NAA35: variants seen among roughly 807,000 people sequenced by gnomAD.
NAA35 encodes MAK10 homolog, amino-acid N-acetyltransferase subunit.
NAA35 carries 18 observed loss-of-function variants against 101.7 expected under a neutral mutation model. That is an observed-to-expected ratio of 0.18 (90% CI 0.12 to 0.26). The LOEUF (loss-of-function observed/expected upper bound fraction) is 0.26. Among genes scored for constraint, NAA35 ranks in the 10% least tolerant of loss-of-function variants. The pLI, the probability that NAA35 is intolerant of heterozygous loss-of-function variation, is 1.00. For missense variants in NAA35, 601 were observed against 886.8 expected, an observed-to-expected ratio of 0.68 and a Z score of 4.09; for synonymous variants, 267 against 273.1, an observed-to-expected ratio of 0.98 and a Z score of 0.22.
chr9:85,967,079 C>A (rs893551860), intron 6 of NAA35, among the ~76,000 whole-genome samples: 5 of 152,146 alleles, frequency 3.3e-5, no homozygotes, highest in African/African-American at 9.7e-5. Context: ...GCGGAGCTTG[C>A]AGTGAGTCAA....
At chr9:85,965,850 T>G (rs868093234) in intron 6 of NAA35, among the ~76,000 whole-genome samples, 42 of 152,250 alleles carry the variant, frequency 2.8e-4, no homozygotes, top group African/African-American at 6.7e-4. Flanking sequence ...AGGGCTGGGG[T>G]ATACACTTGT....
At chr9:86,002,414 T>C (rs114212860) in intron 12 of NAA35, among the ~76,000 whole-genome samples, 2,468 of 152,296 alleles carry the variant, frequency 0.016, 63 homozygotes, top group African/African-American at 0.054. Context: ...TCTAGCAAAG[T>C]TGGGGAAGTT....
chr9:85,962,210 G>A (rs1292372606), intron 6 of NAA35, 30 bp downstream of exon 6: 1 of 1,604,806 alleles, frequency 6.2e-7, no homozygotes, highest in Non-Finnish European at 8.5e-7. Context: ...GAAATCCTTG[G>A]CCAGGTGCGG....
Position 85,978,271 on chromosome 9 carries a change from G to T in NAA35, c.767G>T (p.Ser256Ile). The change falls in exon 11 of 23, where the codon AGT becomes ATT. Residue 256 changes from serine (S) to isoleucine (I), a missense_variant. This residue lies in a region of NAA35 where 190 missense variants were observed against 223.1 expected (regional missense o/e 0.85). Coordinates refer to ENST00000361671, the MANE Select transcript of NAA35 (RefSeq NM_024635.4). ...TTTTGGTGATTTATTTGCTAGACCA[G>T]TGCTGTTGCAGAAGCTCAAAAATTG... Reference protein sequence around the residue: ...VLIAFTKKETSAVAEAQKLMV... With the variant: ...VLIAFTKKETIAVAEAQKLMV... 1 of 1,599,480 alleles carries T rather than the reference G, an allele frequency of 6.3e-7. No homozygotes were observed. Among genetic ancestry groups the T allele is most frequent in the African/African-American group, 1.3e-5 (1 of 74,730 alleles).
At chr9:85,951,405 T>C (rs963534016) in intron 2 of NAA35, among the ~76,000 whole-genome samples, 9 of 152,136 alleles carry the variant, frequency 5.9e-5, no homozygotes, top group Non-Finnish European at 1.2e-4. Flanking sequence ...AATGGGGGAA[T>C]CTTCAGATAA....
chr9:85,992,173 C>CAA (rs60842873), intron 11 of NAA35, among the ~76,000 whole-genome samples: 3,063 of 137,532 alleles, frequency 0.022, 82 homozygotes, highest in African/African-American at 0.059. Flanking sequence ...GACTCCGTCT[C>CAA]AAAAAAAAAA....
At chr9:85,992,457 T>C (rs952319307) in intron 11 of NAA35, among the ~76,000 whole-genome samples, 1 of 152,154 alleles carries the variant, frequency 6.6e-6, no homozygotes, top group African/African-American at 2.4e-5. Flanking sequence ...GTAACTACAA[T>C]GAAGAGGCCT....
Position 86,021,929 on chromosome 9 carries a change from A to T in NAA35, c.2147A>T (p.His716Leu). Residue 716 changes from histidine to leucine, a missense_variant, in exon 23 of 23, where the codon CAT becomes CTT. Physicochemically the swap from His to Leu is moderately conservative, Grantham distance 99. Transcript: ENST00000361671. ...CCTCCTGAATTTGATTTCTCTGCTC[A>T]TAAATATTTTCCTGTTGTGAAACTT... The part of the protein sequence containing the change: ...KVPPEFDFSA[H>L]KYFPVVKLV 6.2e-7 allele frequency: 1 copy of T among 1,613,640 alleles called. No homozygotes were observed. Among genetic ancestry groups the T allele is most frequent in the Non-Finnish European group, 8.5e-7 (1 of 1,179,830 alleles).
At chr9:85,968,272 G>A (rs1587590890) in intron 6 of NAA35, among the ~76,000 whole-genome samples, 2 of 152,028 alleles carry the variant, frequency 1.3e-5, no homozygotes, top group African/African-American at 4.8e-5. Flanking sequence ...GTTCAGTGGC[G>A]CTATCTCGGC....
chr9:85,977,844 A>G (rs989596412), intron 10 of NAA35, among the ~76,000 whole-genome samples: 7 of 152,106 alleles, frequency 4.6e-5, no homozygotes, highest in Admixed American at 4.6e-4. Context: ...ATTCAAGTCA[A>G]TTACAGATTA....
intron 12 of NAA35, among the ~76,000 whole-genome samples, chr9:86,000,902 G>C (rs1401099194): frequency 6.6e-6 from 1 of 151,904 alleles, no homozygotes; most frequent in Non-Finnish European, 1.5e-5. Flanking sequence ...GTTCACCTCT[G>C]ATTTTTGTTA....
At chr9:85,954,865 C>T (rs1012785669) in intron 2 of NAA35, among the ~76,000 whole-genome samples, 3 of 152,144 alleles carry the variant, frequency 2.0e-5, no homozygotes. Context: ...CCAGACCACT[C>T]TTCGAGAATT....
intron 11 of NAA35, among the ~76,000 whole-genome samples, chr9:85,990,784 G>C (rs1290567056): frequency 6.6e-6 from 1 of 152,230 alleles, no homozygotes. Context: ...TGGGAGATAG[G>C]AGTAGCCTGA....
chr9:85,977,181 A>G (rs541549760), intron 9 of NAA35, among the ~76,000 whole-genome samples, 182 bp from the exon 10 acceptor site: 2 of 152,274 alleles, frequency 1.3e-5, no homozygotes, highest in South Asian at 2.1e-4. Context: ...TCCGATTTCA[A>G]AAGAATAGGC....
At chr9:85,949,028 A>G (rs1828888983) in intron 2 of NAA35, among the ~76,000 whole-genome samples, 1 of 152,122 alleles carries the variant, frequency 6.6e-6, no homozygotes, top group South Asian at 2.1e-4. Context: ...AAGTGCTGGG[A>G]TTACAGGTGG....
intron 12 of NAA35, among the ~76,000 whole-genome samples, chr9:86,000,641 C>G (rs1166868226): frequency 1.3e-5 from 2 of 151,828 alleles, no homozygotes; most frequent in Non-Finnish European, 2.9e-5. Context: ...GTGTATGTGT[C>G]CAGGAATTTA....
At chr9:86,001,622 A>G (rs1419473990) in intron 12 of NAA35, among the ~76,000 whole-genome samples, 1 of 152,226 alleles carries the variant, frequency 6.6e-6, no homozygotes, top group African/African-American at 2.4e-5. Context: ...CCCTTATGTA[A>G]TACCCTTCCT....
intron 11 of NAA35, among the ~76,000 whole-genome samples, chr9:85,987,913 T>G (rs1436508743): frequency 6.6e-6 from 1 of 152,190 alleles, no homozygotes; most frequent in Non-Finnish European, 1.5e-5. Flanking sequence ...AGGTGTGGAG[T>G]ACACAAGCTG....
intron 6 of NAA35, among the ~76,000 whole-genome samples, chr9:85,968,559 T>C (rs1829861465): frequency 6.6e-6 from 1 of 152,180 alleles, no homozygotes; most frequent in South Asian, 2.1e-4. Context: ...ATGTACATTT[T>C]AATAAAAGTA....
Sources: allele counts gnomAD v4.1 joint callset (sites outside exome capture counted in the v4.1 genomes callset), GRCh38; gene constraint gnomAD v4.1.1; regional missense constraint gnomAD v4.1.1; transcripts MANE v1.5; gene names NCBI Gene and HGNC (gene_info 2026-07-23, HGNC 2026-07-21).